The following SLC25A31 variants were observed in gnomAD, a reference collection of about 807,000 sequenced individuals.
The protein encoded by SLC25A31 is ADP/ATP translocase 4.
Under a neutral mutation model 36.2 loss-of-function variants are expected in SLC25A31, and 40 were observed. The observed-to-expected ratio is 1.10, with a 90% CI of 0.86 to 1.44. The LOEUF (loss-of-function observed/expected upper bound fraction) is 1.44. Among genes scored for constraint, SLC25A31 ranks in the 40% most tolerant of loss-of-function variants. SLC25A31 has a pLI of 0.00. For missense variants in SLC25A31, 350 were observed against 397.1 expected (o/e 0.88, Z 1.01); for synonymous variants, 143 against 149.7 (o/e 0.96, Z 0.32).
intron 2 of SLC25A31, among the ~76,000 whole-genome samples, chr4:127,757,193 A>T (rs907666331): frequency 1.3e-5 from 2 of 152,184 alleles, no homozygotes; most frequent in African/African-American, 4.8e-5. Flanking sequence ...ACATGGGTAT[A>T]TTGTGTAATG....
At chr4:127,751,517 G>A (rs923201652) in intron 2 of SLC25A31, among the ~76,000 whole-genome samples, 7 of 152,132 alleles carry the variant, frequency 4.6e-5, no homozygotes, top group Non-Finnish European at 1.0e-4. Flanking sequence ...CATGGGCAAG[G>A]ACTTCATGTC....
At chr4:127,754,175 A>T (rs1731987635) in intron 2 of SLC25A31, among the ~76,000 whole-genome samples, 1 of 152,186 alleles carries the variant, frequency 6.6e-6, no homozygotes, top group Non-Finnish European at 1.5e-5. Flanking sequence ...CACATATGAT[A>T]AGCCCACAGC....
chr4:127,742,058 T>A (rs1157308805), intron 1 of SLC25A31, among the ~76,000 whole-genome samples: 1 of 152,176 alleles, frequency 6.6e-6, no homozygotes, highest in East Asian at 1.9e-4. Flanking sequence ...ATTTTGTTTA[T>A]CTTCTTCTAA....
intron 2 of SLC25A31, among the ~76,000 whole-genome samples, chr4:127,745,122 C>T (rs1731801176): frequency 6.6e-6 from 1 of 151,986 alleles, no homozygotes; most frequent in Non-Finnish European, 1.5e-5. Context: ...ATTTTAAGCG[C>T]AGAAAGAAAT....
At chr4:127,736,001 T>C (rs1731626031) in intron 1 of SLC25A31, among the ~76,000 whole-genome samples, 1 of 149,906 alleles carries the variant, frequency 6.7e-6, no homozygotes, top group African/African-American at 2.4e-5. Flanking sequence ...GCCATTCTCC[T>C]GCCTCAGCCT....
chr4:127,740,957 G>A (rs187061699), intron 1 of SLC25A31, among the ~76,000 whole-genome samples: 57 of 152,278 alleles, frequency 3.7e-4, no homozygotes, highest in Admixed American at 1.5e-3. Flanking sequence ...ACTTTTTGGC[G>A]TACAGATCTT....
At chr4:127,740,420 A>G (rs1156534472) in intron 1 of SLC25A31, among the ~76,000 whole-genome samples, 2 of 152,116 alleles carry the variant, frequency 1.3e-5, no homozygotes, top group Non-Finnish European at 2.9e-5. Context: ...CATGTATGTC[A>G]GCAGGTTTTA....
chr4:127,762,287 G>GAACCTTGAA (rs1214367549), intron 2 of SLC25A31, among the ~76,000 whole-genome samples: 1 of 152,178 alleles, frequency 6.6e-6, no homozygotes, highest in Non-Finnish European at 1.5e-5. Context: ...CAACATGGAT[G>GAACCTTGAA]AACCTTGAAA....
At chr4:127,763,396 T>C (rs1732179347) in intron 2 of SLC25A31, among the ~76,000 whole-genome samples, 1 of 152,178 alleles carries the variant, frequency 6.6e-6, no homozygotes, top group Non-Finnish European at 1.5e-5. Flanking sequence ...AAGCAAGAAA[T>C]TGAGCTTGAC....
intron 1 of SLC25A31, among the ~76,000 whole-genome samples, chr4:127,734,389 G>A (rs11946082): frequency 0.013 from 1,926 of 151,746 alleles, 28 homozygotes; most frequent in African/African-American, 0.044. Flanking sequence ...GTGAAACCCC[G>A]TCTCTACTAA....
Position 127,730,760 on chromosome 4 carries a change from G to A in SLC25A31, c.215G>A (p.Arg72Gln). The change falls in exon 1 of 6, where the codon CGG (arginine) becomes CAG (glutamine). Residue 72 changes from arginine (R) to glutamine (Q), a missense_variant. By Grantham distance (43) the Arg-to-Gln change is conservative. Coordinates refer to ENST00000281154, the MANE Select transcript of SLC25A31 (RefSeq NM_031291.4). Reference sequence around the variant, plus strand: ...AAAGGCATGGTGGACTGCCTGGTGCGGATTCCTCGCGAGCAGGGTGCGTCA... The same window carrying A: ...AAAGGCATGGTGGACTGCCTGGTGCAGATTCCTCGCGAGCAGGGTGCGTCA... ...RYKGMVDCLV[R>Q]IPREQGFFSF... 1 of 1,610,870 alleles carries A rather than the reference G, an allele frequency of 6.2e-7. No individual in the cohort carries two copies.
At chr4:127,738,649 T>G (rs1428571897) in intron 1 of SLC25A31, among the ~76,000 whole-genome samples, 1 of 152,196 alleles carries the variant, frequency 6.6e-6, no homozygotes, top group Non-Finnish European at 1.5e-5. Context: ...GGAATTTAAG[T>G]CTAGAATTTC....
chr4:127,760,496 C>CCT (rs1250992380), intron 2 of SLC25A31, among the ~76,000 whole-genome samples: 1 of 152,152 alleles, frequency 6.6e-6, no homozygotes, highest in Non-Finnish European at 1.5e-5. Flanking sequence ...ATAAACTGCT[C>CCT]CTCAGCCACC....
At chr4:127,733,046 T>C (rs775609536) in intron 1 of SLC25A31, among the ~76,000 whole-genome samples, 4 of 152,230 alleles carry the variant, frequency 2.6e-5, no homozygotes, top group Non-Finnish European at 5.9e-5. Flanking sequence ...GAAACCTGTT[T>C]ATGTTTCTCT....
chr4:127,760,300 C>G (rs941250236), intron 2 of SLC25A31, among the ~76,000 whole-genome samples: 5 of 152,130 alleles, frequency 3.3e-5, no homozygotes, highest in Non-Finnish European at 7.4e-5. Context: ...GAAGCATGTG[C>G]CTACTATATA....
intron 2 of SLC25A31, among the ~76,000 whole-genome samples, chr4:127,751,032 A>G (rs1731921746): frequency 6.6e-6 from 1 of 152,206 alleles, no homozygotes; most frequent in Non-Finnish European, 1.5e-5. Flanking sequence ...ATACCCCATC[A>G]AGCTACCAAT....
intron 1 of SLC25A31, among the ~76,000 whole-genome samples, chr4:127,741,334 C>T (rs1244538762): frequency 6.6e-6 from 1 of 152,168 alleles, no homozygotes; most frequent in Non-Finnish European, 1.5e-5. Context: ...CTTTTCTCCA[C>T]TGAGTATGTT....
At chr4:127,767,963 TA>T (rs1260454011) in intron 4 of SLC25A31, among the ~76,000 whole-genome samples, 1 of 151,626 alleles carries the variant, frequency 6.6e-6, no homozygotes, top group East Asian at 1.9e-4. Flanking sequence ...AAATAAATAA[TA>T]AAAAAATAAA....
intron 2 of SLC25A31, among the ~76,000 whole-genome samples, chr4:127,762,615 G>T (rs1732161426): frequency 1.3e-5 from 2 of 151,958 alleles, no homozygotes; most frequent in Admixed American, 1.3e-4. Context: ...AATAATGCTG[G>T]CCTCAAGAAA....
Sources: allele counts gnomAD v4.1 joint callset (sites outside exome capture counted in the v4.1 genomes callset), GRCh38; gene constraint gnomAD v4.1.1; transcripts MANE v1.5; gene names NCBI Gene and HGNC (gene_info 2026-07-23, HGNC 2026-07-21).